CDH18: variants seen among roughly 807,000 people sequenced by gnomAD.
CDH18 encodes cadherin 18.
CDH18 carries 31 observed loss-of-function variants against 67.9 expected under a neutral mutation model. The observed-to-expected ratio is 0.46, with a 90% CI of 0.34 to 0.62. The LOEUF is 0.62. CDH18 is among the 20% of genes least tolerant of loss of function. CDH18 has a pLI of 0.01. For missense variants in CDH18, 890 were observed against 975.5 expected, an observed-to-expected ratio of 0.91 and a Z score of 1.17; for synonymous variants, 362 against 347.2, an observed-to-expected ratio of 1.04 and a Z score of -0.48.
intron 1 of CDH18, among the ~76,000 whole-genome samples, chr5:20,268,414 G>T (rs540274189): frequency 6.6e-6 from 1 of 152,178 alleles, no homozygotes; most frequent in East Asian, 1.9e-4. Context: ...ATTGTTCTAT[G>T]TAGGACTTCC....
Position 20,129,255 on chromosome 5 carries a change from C to G in CDH18, c.-518+126189G>C, listed in dbSNP as rs1416724723. 3.3e-5 allele frequency among the ~76,000 whole-genome samples: 5 copies of G among 151,808 alleles called. No individual in the cohort carries two copies. In the East Asian group the frequency reaches 9.6e-4, roughly 29 times the overall value. On this transcript the variant is annotated intron_variant, in intron 2 of 14. Transcript: ENST00000507958. Reference sequence around the variant, plus strand: ...CCAATATAAATGAAAAAATATCCCCCAAAATATATCTATATCTTTATCAAT... The same window carrying G: ...CCAATATAAATGAAAAAATATCCCCGAAAATATATCTATATCTTTATCAAT...
At chr5:20,551,589 G>C (rs943793483) in intron 1 of CDH18, among the ~76,000 whole-genome samples, 1 of 152,218 alleles carries the variant, frequency 6.6e-6, no homozygotes, top group African/African-American at 2.4e-5. Context: ...TTGGAGTTGA[G>C]TAACAACTCA....
Position 20,410,620 on chromosome 5 carries a change from T to C in CDH18, c.-579-155115A>G, listed in dbSNP as rs1224068178. On this transcript the variant is annotated intron_variant, in intron 1 of 14. Coordinates refer to the CDH18 transcript ENST00000507958. ...GAGAAGGATGTCCATTCTTGGCACA[T>C]TTATTTAACATAATCCTGTGAATCT... is the stretch of plus-strand genomic sequence containing the variant. Among the ~76,000 whole-genome samples, 4 of 151,640 alleles carry C rather than the reference T, an allele frequency of 2.6e-5. No homozygotes were observed. In the South Asian group the frequency reaches 6.2e-4, roughly 24 times the overall value.
intron 3 of CDH18, among the ~76,000 whole-genome samples, chr5:19,755,317 C>T (rs1167420943): frequency 6.8e-6 from 1 of 147,576 alleles, no homozygotes; most frequent in Admixed American, 6.8e-5. Context: ...TCCAAATAAC[C>T]TCGGTAAGAA....
At chr5:19,994,930 G>C (rs1469331119) in intron 2 of CDH18, among the ~76,000 whole-genome samples, 1 of 148,192 alleles carries the variant, frequency 6.7e-6, no homozygotes, top group Non-Finnish European at 1.5e-5. Context: ...GAGGCTAAGA[G>C]GTCCCATGAT....
intron 1 of CDH18, among the ~76,000 whole-genome samples, chr5:20,563,963 A>C (rs1758357362): frequency 6.6e-6 from 1 of 152,132 alleles, no homozygotes; most frequent in South Asian, 2.1e-4. Flanking sequence ...GAAGGAACCC[A>C]TGGTAAGTTT....
At chr5:20,052,069 T>A (rs919715237) in intron 2 of CDH18, among the ~76,000 whole-genome samples, 1 of 152,094 alleles carries the variant, frequency 6.6e-6, no homozygotes, top group East Asian at 1.9e-4. Context: ...CATGTAAAGA[T>A]GAATTAAACT....
At chr5:20,370,992 G>A (rs1192893350) in intron 1 of CDH18, among the ~76,000 whole-genome samples, 1 of 150,434 alleles carries the variant, frequency 6.6e-6, no homozygotes, top group African/African-American at 2.5e-5. Context: ...AGCTGAGATC[G>A]CACCATTGCA....
At chr5:20,276,333 C>T (rs765656097) in intron 1 of CDH18, among the ~76,000 whole-genome samples, 3 of 152,170 alleles carry the variant, frequency 2.0e-5, no homozygotes, top group Admixed American at 1.3e-4. Flanking sequence ...TGTCTTGCAA[C>T]TTTGATACCA....
intron 2 of CDH18, among the ~76,000 whole-genome samples, chr5:20,092,829 A>G (rs1440094144): frequency 6.6e-6 from 1 of 152,170 alleles, no homozygotes; most frequent in Non-Finnish European, 1.5e-5. Context: ...GTTTATACCA[A>G]TAAAATGGGA....
intron 2 of CDH18, among the ~76,000 whole-genome samples, chr5:20,098,838 A>G (rs6893058): frequency 0.022 from 3,366 of 152,244 alleles, 120 homozygotes; most frequent in African/African-American, 0.072. Flanking sequence ...TTGGTCATGA[A>G]TATTAAAAAG....
chr5:19,780,026 G>A (rs1337816731), intron 3 of CDH18, among the ~76,000 whole-genome samples: 1 of 151,984 alleles, frequency 6.6e-6, no homozygotes, highest in African/African-American at 2.4e-5. Flanking sequence ...ATGTAGGAAG[G>A]GCCTGTTAAT....
At chr5:20,187,198 T>C (rs1738168228) in intron 2 of CDH18, among the ~76,000 whole-genome samples, 1 of 151,844 alleles carries the variant, frequency 6.6e-6, no homozygotes, top group African/African-American at 2.4e-5. Context: ...GAATGAGTTC[T>C]GGTGATGGAG....
intron 1 of CDH18, among the ~76,000 whole-genome samples, chr5:20,303,675 C>T (rs1736142497): frequency 6.6e-6 from 1 of 152,030 alleles, no homozygotes; most frequent in Admixed American, 6.5e-5. Context: ...TGTTCAAAAG[C>T]CTCTCTGGTG....
rs958062837 is a variant in CDH18 at position 19,872,727 on chromosome 5, C to A, written c.-256-33485G>T. Among the ~76,000 whole-genome samples the A allele has an allele frequency of 5.9e-5, 9 of 152,280 alleles. No individual in the cohort carries two copies. The East Asian group carries it at 1.5e-3, about 26-fold the overall frequency. On this transcript the variant is annotated intron_variant, in intron 2 of 12. Coordinates refer to ENST00000382275, the MANE Select transcript of CDH18 (RefSeq NM_004934.5). Reference sequence around the variant, plus strand: ...AGTCAGCTAAGTCAGTTAAGGCTGACTCTTAATGAATAAAAACTGAGATGT... The same window carrying A: ...AGTCAGCTAAGTCAGTTAAGGCTGAATCTTAATGAATAAAAACTGAGATGT...
chr5:19,686,006 T>C (rs1192266017), intron 5 of CDH18, among the ~76,000 whole-genome samples: 1 of 152,184 alleles, frequency 6.6e-6, no homozygotes, highest in Non-Finnish European at 1.5e-5. Flanking sequence ...TTGGTGAGCA[T>C]AAAGTATTGT....
intron 2 of CDH18, among the ~76,000 whole-genome samples, chr5:20,100,855 T>C (rs541321550): frequency 2.6e-5 from 4 of 152,344 alleles, no homozygotes; most frequent in Admixed American, 6.5e-5. Flanking sequence ...GTTGATAGCA[T>C]AGATTTTACT....
intron 2 of CDH18, among the ~76,000 whole-genome samples, chr5:19,851,094 A>C (rs1319986124): frequency 6.6e-6 from 1 of 151,882 alleles, no homozygotes; most frequent in Non-Finnish European, 1.5e-5. Flanking sequence ...CACAAAAACA[A>C]CAAAACAGTA....
intron 11 of CDH18, among the ~76,000 whole-genome samples, chr5:19,498,517 T>C (rs935552303): frequency 6.6e-6 from 1 of 152,204 alleles, no homozygotes; most frequent in Non-Finnish European, 1.5e-5. Context: ...CAATCCATTA[T>C]CTACATATCA....
Sources: allele counts gnomAD v4.1 joint callset (sites outside exome capture counted in the v4.1 genomes callset), GRCh38; gene constraint gnomAD v4.1.1; transcripts MANE v1.5; gene names NCBI Gene and HGNC (gene_info 2026-07-23, HGNC 2026-07-21).